PARPBP: variants seen among roughly 807,000 people sequenced by gnomAD.
PARPBP encodes the protein PCNA-interacting partner.
PARPBP carries 52 observed loss-of-function variants against 50.0 expected under a neutral mutation model. The ratio of observed to expected loss-of-function variants is 1.04; its 90% CI spans 0.83 to 1.31. PARPBP has a LOEUF of 1.31. PARPBP is among the 50% of genes most tolerant of loss of function. The pLI is 0.00. For missense variants in PARPBP, 697 were observed against 672.0 expected (o/e 1.04, Z -0.41); for synonymous variants, 244 against 232.1 (o/e 1.05, Z -0.47).
Position 102,182,533 on chromosome 12 carries a change from T to TG in PARPBP, c.1185-16_1185-15insG. On this transcript the variant is annotated splice_polypyrimidine_tract_variant and intron_variant, in intron 8 of 10. Transcript: ENST00000327680. ...ACCATAGCAATAAATTTTTGCCTTT[T>TG]TTTTTTTTGACATAGGTCTCCCACA... is the stretch of plus-strand genomic sequence containing the variant. The TG allele has an allele frequency of 6.3e-7, 1 of 1,584,650 alleles. No individual in the cohort carries two copies. Among genetic ancestry groups the TG allele is most frequent in the South Asian group, 1.2e-5 (1 of 86,018 alleles).
intron 2 of PARPBP, among the ~76,000 whole-genome samples, 175 bp from the exon 3 acceptor site, chr12:102,148,055 T>A (rs966877353): frequency 1.8e-4 from 27 of 152,224 alleles, no homozygotes; most frequent in African/African-American, 6.5e-4. Context: ...CTTTTTCTTT[T>A]ATATCTGGTT....
At chr12:102,148,664 A>G (rs1476035087) in intron 3 of PARPBP, 3 of 429,106 alleles carry the variant, frequency 7.0e-6, no homozygotes, top group African/African-American at 4.1e-5. Flanking sequence ...GACTTGTGTT[A>G]TTGTTATTTA....
intron 5 of PARPBP, among the ~76,000 whole-genome samples, chr12:102,164,956 A>G (rs1887986717): frequency 6.6e-6 from 1 of 152,220 alleles, no homozygotes; most frequent in Non-Finnish European, 1.5e-5. Flanking sequence ...TTGGTTATAC[A>G]TAATCCATGA....
chr12:102,134,840 C>T (rs1883384109), intron 2 of PARPBP, among the ~76,000 whole-genome samples: 1 of 152,072 alleles, frequency 6.6e-6, no homozygotes, highest in Non-Finnish European at 1.5e-5. Flanking sequence ...CCATGCCCAG[C>T]TAATTCTTTT....
Position 102,175,519 on chromosome 12 carries a change from G to A in PARPBP, c.858G>A (p.Met286Ile). The change falls in exon 7 of 11, where the codon ATG becomes ATA. Residue 286 changes from methionine to isoleucine, a missense_variant. Physicochemically the swap from Met to Ile is conservative, Grantham distance 10 (BLOSUM62 1). Transcript: ENST00000327680. ...AGGQILSVIK[M>I]QLIKGQNSRD... ...GTCAAATACTGTCAGTGATAAAGAT[G>A]CAACTGATTAAAGGCCAAAACAGCA... 6.2e-7 allele frequency: 1 copy of A among 1,613,586 alleles called. No individual in the cohort carries two copies. Among genetic ancestry groups the A allele is most frequent in the South Asian group, 1.1e-5 (1 of 91,064 alleles).
Position 102,196,456 on chromosome 12 carries a change from T to C in PARPBP, c.*165T>C, listed in dbSNP as rs917157524. ...ATTGTTTAAAAATACTAGTAAGTCA[T>C]AATTATGCAGAATTTTCACAAAGTT... On this transcript the variant is annotated 3_prime_UTR_variant, in exon 11 of 11. Coordinates refer to ENST00000327680, the MANE Select transcript of PARPBP (RefSeq NM_017915.5). 36 of 720,174 alleles carry C rather than the reference T, an allele frequency of 5.0e-5. No individual in the cohort carries two copies. Among genetic ancestry groups the C allele is most frequent in the Non-Finnish European group, 8.1e-5 (34 of 419,248 alleles). The allele number at this position is 720,174 out of a possible 1,614,324, so 44.6% of individuals were successfully genotyped here.
chr12:102,144,290 T>C (rs1369571075), intron 2 of PARPBP, among the ~76,000 whole-genome samples: 1 of 152,254 alleles, frequency 6.6e-6, no homozygotes, highest in African/African-American at 2.4e-5. Flanking sequence ...TATGTAACTC[T>C]TGATTTTCTC....
chr12:102,135,831 T>C (rs1175424147), intron 2 of PARPBP, among the ~76,000 whole-genome samples: 1 of 152,172 alleles, frequency 6.6e-6, no homozygotes, highest in Non-Finnish European at 1.5e-5. Context: ...TGGCATAATT[T>C]GGGGGTGGAG....
Position 102,182,615 on chromosome 12 carries a change from G to GA in PARPBP, c.1258dup (p.Ile420AsnfsTer2). On this transcript the variant is annotated frameshift_variant, in exon 9 of 11. Coordinates refer to ENST00000327680, the MANE Select transcript of PARPBP (RefSeq NM_017915.5). LOFTEE classifies it high-confidence loss of function. Reference sequence around the variant, plus strand: ...AACGCATCTGTGTGTCAATGCAAGAGAAAAAAATTAAGGTACAATTTAATG... The same window carrying GA: ...AACGCATCTGTGTGTCAATGCAAGAGAAAAAAAATTAAGGTACAATTTAATG... 1 of 1,606,060 alleles carries GA rather than the reference G, an allele frequency of 6.2e-7. No individual in the cohort carries two copies. The highest frequency in any genetic ancestry group is 1.1e-5 in the South Asian group (1 of 90,472).
At chr12:102,158,276 A>G (rs1887182749) in intron 4 of PARPBP, among the ~76,000 whole-genome samples, 2 of 152,138 alleles carry the variant, frequency 1.3e-5, no homozygotes, top group South Asian at 4.1e-4. Context: ...TTCTCTACCA[A>G]TTTAGGGGTT....
intron 1 of PARPBP, among the ~76,000 whole-genome samples, chr12:102,123,073 G>A (rs936899045): frequency 1.3e-5 from 2 of 152,174 alleles, no homozygotes; most frequent in African/African-American, 4.8e-5. Flanking sequence ...AATAGGTGGT[G>A]ACAACACATG....
At chr12:102,187,839 A>T (rs12826979) in intron 9 of PARPBP, among the ~76,000 whole-genome samples, 14,624 of 152,260 alleles carry the variant, frequency 0.096, 786 homozygotes, top group African/African-American at 0.11. Flanking sequence ...CTACGATAGC[A>T]AAACAATAAA....
At chr12:102,125,874 TG>T (rs1313162342) in intron 2 of PARPBP, among the ~76,000 whole-genome samples, 2 of 152,220 alleles carry the variant, frequency 1.3e-5, no homozygotes, top group Non-Finnish European at 2.9e-5. Context: ...GCCCCTCAGT[TG>T]TACTCTTTGG....
In PARPBP at chr12:102,182,580, C is replaced by A. The variant is rs753651693; in HGVS notation, c.1216C>A (p.Pro406Thr). The A allele has an allele frequency of 5.2e-5, 83 of 1,610,696 alleles. No homozygotes were observed. The highest frequency in any genetic ancestry group is 7.0e-5 in the Non-Finnish European group (83 of 1,178,446). ...SPTQVNNSIK[P>T]LRERICVSMQ... is the part of the protein sequence containing the mutation. Reference sequence around the variant, plus strand: ...CACACAGGTGAATAATTCGATAAAACCCCTAAGAGAACGCATCTGTGTGTC... The same window carrying A: ...CACACAGGTGAATAATTCGATAAAAACCCTAAGAGAACGCATCTGTGTGTC... Residue 406 changes from proline (P) to threonine (T), a missense_variant, in exon 9 of 11, where the codon CCC becomes ACC. Coordinates refer to ENST00000327680, the MANE Select transcript of PARPBP (RefSeq NM_017915.5).
At chr12:102,144,757 A>G (rs937792787) in intron 2 of PARPBP, among the ~76,000 whole-genome samples, 6 of 152,192 alleles carry the variant, frequency 3.9e-5, no homozygotes, top group African/African-American at 1.4e-4. Context: ...TTAAAACTCT[A>G]AATAACTGGA....
intron 2 of PARPBP, among the ~76,000 whole-genome samples, chr12:102,137,175 G>T (rs887208097): frequency 6.6e-6 from 1 of 152,050 alleles, no homozygotes; most frequent in African/African-American, 2.4e-5. Context: ...GGATGGTCTC[G>T]ATCTCCTGAC....
At chr12:102,158,527 C>T (rs1220312713) in intron 4 of PARPBP, among the ~76,000 whole-genome samples, 2 of 152,190 alleles carry the variant, frequency 1.3e-5, no homozygotes, top group Non-Finnish European at 2.9e-5. Flanking sequence ...AAGAAAATAT[C>T]CCAAGCCCAC....
chr12:102,172,089 G>A (rs558278604), intron 6 of PARPBP, among the ~76,000 whole-genome samples: 1 of 152,272 alleles, frequency 6.6e-6, no homozygotes, highest in Admixed American at 6.5e-5. Context: ...TTCTCTTCCA[G>A]TTACTTTATT....
intron 2 of PARPBP, among the ~76,000 whole-genome samples, chr12:102,145,700 G>A (rs1409300980): frequency 6.6e-6 from 1 of 151,932 alleles, no homozygotes; most frequent in Admixed American, 6.6e-5. Context: ...ATTTCTCGTG[G>A]GATAGATAGA....
Sources: gnomAD v4.1 joint callset for allele counts (sites outside exome capture counted in the v4.1 genomes callset) on GRCh38, gnomAD v4.1.1 for gene constraint, MANE v1.5 for transcripts, NCBI Gene and HGNC (gene_info 2026-07-23, HGNC 2026-07-21) for gene names.